ABCC1: variants seen among roughly 807,000 people sequenced by gnomAD.
The protein encoded by ABCC1 is ATP binding cassette subfamily C member 1 (ABCC1 blood group), also known as multidrug resistance-associated protein 1.
ABCC1 carries 83 observed loss-of-function variants against 172.9 expected under a neutral mutation model. The observed-to-expected ratio is 0.48, with a 90% CI of 0.40 to 0.58. The LOEUF (loss-of-function observed/expected upper bound fraction) is 0.58. Ranked by LOEUF, ABCC1 falls within the 20% of genes least tolerant of loss-of-function variation. ABCC1 has a pLI of 0.00. For missense variants in ABCC1, 1,817 were observed against 2,002.7 expected (o/e 0.91, Z 1.77); for synonymous variants, 937 against 825.2 (o/e 1.14, Z -2.32).
In ABCC1 at chr16:16,105,713, TC is replaced by T. The variant is rs1467904640; in HGVS notation, c.2736-1024del. On this transcript the variant is annotated intron_variant, in intron 20 of 30. Transcript: ENST00000399410. ...CTCCATAATTTCTTTTCTTTTCTTT[TC>T]TTTTTTTTTTTTTTTTGACATGAGT... Among the ~76,000 whole-genome samples, 5 of 135,670 alleles carry T rather than the reference TC, an allele frequency of 3.7e-5. No individual in the cohort carries two copies. In the East Asian group the frequency reaches 6.4e-4, roughly 17 times the overall value. The allele number at this position is 135,670 out of a possible 152,430, so 89.0% of individuals were successfully genotyped here. A position where few individuals can be genotyped will look rare whatever the true frequency, so the allele number is the denominator to read the frequency against.
intron 1 of ABCC1, among the ~76,000 whole-genome samples, chr16:15,973,187 C>T (rs1015079102): frequency 6.6e-6 from 1 of 152,084 alleles, no homozygotes; most frequent in African/African-American, 2.4e-5. Flanking sequence ...TTTGAAGTCA[C>T]AGGTTGGTTA....
intron 1 of ABCC1, among the ~76,000 whole-genome samples, chr16:15,993,631 A>C (rs1410965025): frequency 2.6e-5 from 4 of 152,088 alleles, no homozygotes; most frequent in Admixed American, 2.6e-4. Flanking sequence ...TTGGGCTCAA[A>C]TACCAGCGGT....
At chr16:15,994,991 C>T (rs139967910) in intron 1 of ABCC1, among the ~76,000 whole-genome samples, 5 of 151,100 alleles carry the variant, frequency 3.3e-5, no homozygotes, top group Admixed American at 6.6e-5. Context: ...ATTAGCCAGG[C>T]GTGGTAGCAG....
chr16:15,961,919 C>T (rs1214768978), intron 1 of ABCC1, among the ~76,000 whole-genome samples: 1 of 152,108 alleles, frequency 6.6e-6, no homozygotes, highest in Admixed American at 6.6e-5. Context: ...ACTGAAGGCA[C>T]ATGTATGCAA....
At position 16,117,251 on chromosome 16, in the gene ABCC1, T is replaced by C. The variant is rs1229324396; in HGVS notation, c.3390+2175T>C. On this transcript the variant is annotated intron_variant, in intron 23 of 30. Transcript: ENST00000399410. ...GCAGAAGGAGAAGCAAACATGTCCT[T>C]CTTCACATGGCAGTAGGAAGAAGAA... Among the ~76,000 whole-genome samples the C allele has an allele frequency of 2.6e-5, 4 of 152,288 alleles. No homozygotes were observed. In the East Asian group the frequency reaches 7.7e-4, roughly 29 times the overall value.
At chr16:16,042,789 G>C (rs900362591) in intron 7 of ABCC1, among the ~76,000 whole-genome samples, 1 of 151,842 alleles carries the variant, frequency 6.6e-6, no homozygotes, top group Non-Finnish European at 1.5e-5. Flanking sequence ...CACAATTCAT[G>C]TATGCAGAAC....
chr16:16,103,156 A>G (rs1442110776), intron 20 of ABCC1, among the ~76,000 whole-genome samples: 1 of 152,100 alleles, frequency 6.6e-6, no homozygotes, highest in Non-Finnish European at 1.5e-5. Context: ...TTGAGACCAC[A>G]GTGGGTAACA....
intron 23 of ABCC1, among the ~76,000 whole-genome samples, chr16:16,121,157 C>T (rs139934493): frequency 6.6e-6 from 1 of 152,082 alleles, no homozygotes; most frequent in African/African-American, 2.4e-5. Flanking sequence ...TACATGTCAC[C>T]CTCACAATGA....
intron 26 of ABCC1, among the ~76,000 whole-genome samples, chr16:16,130,002 G>A (rs529640669): frequency 2.0e-5 from 3 of 152,306 alleles, no homozygotes; most frequent in East Asian, 1.9e-4. Flanking sequence ...TGCATTCCCC[G>A]AGGCTAAAAC....
intron 10 of ABCC1, among the ~76,000 whole-genome samples, chr16:16,051,680 G>A (rs1040808007): frequency 1.3e-5 from 2 of 152,100 alleles, no homozygotes; most frequent in African/African-American, 4.8e-5. Context: ...TGTATTAGGG[G>A]CAGGTCACAT....
intron 1 of ABCC1, among the ~76,000 whole-genome samples, chr16:15,971,186 A>G (rs757596700): frequency 1.3e-5 from 2 of 152,202 alleles, no homozygotes; most frequent in Non-Finnish European, 2.9e-5. Context: ...TCTGATTTGC[A>G]TAGGCCTCAG....
In ABCC1 at chr16:15,990,852, A is replaced by G. The variant is rs550554751; in HGVS notation, c.49-16964A>G. Among the ~76,000 whole-genome samples, 4 of 133,288 alleles carry G rather than the reference A, an allele frequency of 3.0e-5. No individual in the cohort carries two copies. In the South Asian group the frequency reaches 9.5e-4, roughly 32 times the overall value. The allele number at this position is 133,288 out of a possible 152,430, so 87.4% of individuals were successfully genotyped here. On this transcript the variant is annotated intron_variant, in intron 1 of 30. Coordinates refer to ENST00000399410, the MANE Select transcript of ABCC1 (RefSeq NM_004996.4). Reference sequence around the variant, plus strand: ...TTTTTTTTTTGCATTTTTAGTAGAGATGGGGTTTCACCGTGTTAGCCAGGT... The same window carrying G: ...TTTTTTTTTTGCATTTTTAGTAGAGGTGGGGTTTCACCGTGTTAGCCAGGT...
At chr16:16,073,197 G>A (rs985384617) in intron 14 of ABCC1, among the ~76,000 whole-genome samples, 5 of 152,060 alleles carry the variant, frequency 3.3e-5, no homozygotes, top group African/African-American at 1.2e-4. Flanking sequence ...GAGGGTGATG[G>A]AAACCCCCAT....
At position 16,068,448 on chromosome 16, in the gene ABCC1, C is replaced by T. The variant is rs566903688; in HGVS notation, c.1824+146C>T. The T allele has an allele frequency of 1.6e-3, 1,404 of 899,746 alleles. 7 individuals are homozygous for T. The highest frequency in any genetic ancestry group is 2.9e-3 in the South Asian group (182 of 62,890). 55.7% of individuals were successfully genotyped at this position (899,746 alleles called of 1,614,324 possible). A position where few individuals can be genotyped will look rare whatever the true frequency, so the allele number is the denominator to read the frequency against. Reference sequence around the variant, plus strand: ...CGGACAAAGGCTGCCATGCTTTCGTCTGGTCATGCCTGAAAGAAAGAAAAC... The same window carrying T: ...CGGACAAAGGCTGCCATGCTTTCGTTTGGTCATGCCTGAAAGAAAGAAAAC... On this transcript the variant is annotated intron_variant, in intron 13 of 30. Transcript: ENST00000399410.
At position 16,131,917 on chromosome 16, in the gene ABCC1, G is replaced by C. The variant is rs748709613; in HGVS notation, c.3948G>C (p.Thr1316=). The part of the protein sequence containing the change: ...LDFVLRHINV[T]INGGEKVGIV... ...TCGTTCTCAGGCACATCAATGTCACGATCAATGGGGGAGAAAAGGTGGGTA... is the reference window on the plus strand; with the variant it reads ...TCGTTCTCAGGCACATCAATGTCACCATCAATGGGGGAGAAAAGGTGGGTA... The change falls in exon 27 of 31, where the codon ACG becomes ACC. Residue 1316 remains threonine, a synonymous_variant. Coordinates refer to ENST00000399410, the MANE Select transcript of ABCC1 (RefSeq NM_004996.4). 1.2e-6 allele frequency: 2 copies of C among 1,613,934 alleles called. No homozygotes were observed. Among genetic ancestry groups the C allele is most frequent in the African/African-American group, 1.3e-5 (1 of 75,008 alleles).
At position 16,083,443 on chromosome 16, in the gene ABCC1, G is replaced by C. The variant is rs766149833; in HGVS notation, c.2193G>C (p.Gln731His). The C allele has an allele frequency of 3.7e-5, 59 of 1,613,838 alleles. No homozygotes were observed. The Middle Eastern group carries it at 8.5e-4, about 23-fold the overall frequency. Residue 731 changes from glutamine (Q) to histidine (H), a missense_variant, in exon 17 of 31, where the codon CAG becomes CAC. By Grantham distance (24) the Gln-to-His change is conservative. Around this residue, in one of 3 missense-constraint regions of ABCC1, gnomAD observed 1,412 missense variants for 1,600.3 expected, o/e 0.88. Coordinates refer to ENST00000399410, the MANE Select transcript of ABCC1 (RefSeq NM_004996.4). ...GAGAAAACATCCTTTTTGGATGTCA[G>C]CTGGAGGAACCATATTACAGGTCCG... ...SLRENILFGC[Q>H]LEEPYYRSVI...
intron 1 of ABCC1, among the ~76,000 whole-genome samples, chr16:15,952,394 C>A (rs1440581905): frequency 2.6e-5 from 4 of 151,982 alleles, no homozygotes; most frequent in African/African-American, 9.7e-5. Flanking sequence ...GCTTAGAAGT[C>A]AAGGTCAGTG....
At chr16:16,009,626 T>A in intron 2 of ABCC1, 150 bp from the exon 3 acceptor site, 2 of 784,424 alleles carry the variant, frequency 2.5e-6, no homozygotes, top group Non-Finnish European at 3.8e-6. Context: ...CTTGTCCTTA[T>A]TCCAGTGGAT....
chr16:16,048,540 G>A (rs2049307418), intron 10 of ABCC1, among the ~76,000 whole-genome samples: 1 of 152,052 alleles, frequency 6.6e-6, no homozygotes, highest in Admixed American at 6.6e-5. Flanking sequence ...TCTTTTCCTT[G>A]ACAGTGTCAG....
Sources: allele counts gnomAD v4.1 joint callset (sites outside exome capture counted in the v4.1 genomes callset), GRCh38; gene constraint gnomAD v4.1.1; regional missense constraint gnomAD v4.1.1; transcripts MANE v1.5; gene names NCBI Gene and HGNC (gene_info 2026-07-23, HGNC 2026-07-21).